Variants in GPC6 observed in about 807,000 individuals in gnomAD.
GPC6 encodes glypican 6.
Under a neutral mutation model 55.2 loss-of-function variants are expected in GPC6, and 14 were observed. The ratio of observed to expected loss-of-function variants is 0.25; its 90% CI spans 0.17 to 0.40. The LOEUF is 0.40. Among genes scored for constraint, GPC6 ranks in the 10% least tolerant of loss-of-function variants. The pLI is 1.00. For missense variants in GPC6, 641 were observed against 708.5 expected, an observed-to-expected ratio of 0.90 and a Z score of 1.08; for synonymous variants, 278 against 259.6, an observed-to-expected ratio of 1.07 and a Z score of -0.68.
chr13:93,600,946 C>A (rs7326533), intron 2 of GPC6, among the ~76,000 whole-genome samples: 1 of 132,364 alleles, frequency 7.6e-6, no homozygotes. Context: ...GGAAATTCCG[C>A]CTCAAAAAAA....
intron 2 of GPC6, among the ~76,000 whole-genome samples, chr13:93,765,890 A>G (rs1885116944): frequency 6.6e-6 from 1 of 152,234 alleles, no homozygotes; most frequent in Admixed American, 6.5e-5. Context: ...TTTTGATATC[A>G]TGGATAAAAG....
intron 4 of GPC6, among the ~76,000 whole-genome samples, chr13:94,106,374 G>A (rs1444784163): frequency 6.6e-6 from 1 of 152,180 alleles, no homozygotes; most frequent in African/African-American, 2.4e-5. Flanking sequence ...ATTATGAAAG[G>A]ATAACGTTGG....
intron 1 of GPC6, among the ~76,000 whole-genome samples, chr13:93,361,262 C>G (rs72639037): frequency 2.0e-5 from 3 of 152,118 alleles, no homozygotes; most frequent in Admixed American, 6.5e-5. Flanking sequence ...CCCGCTCAAA[C>G]AGAGAAAATG....
intron 4 of GPC6, among the ~76,000 whole-genome samples, chr13:94,266,151 C>CTTTTTTTTTTTTTTTTTTTTTT (rs111623457): frequency 7.0e-6 from 1 of 142,818 alleles, no homozygotes; most frequent in Non-Finnish European, 1.5e-5. Context: ...CTTTTCTTTT[C>CTTTTTTTTTTTTTTTTTTTTTT]TTTTTTTTTT....
At chr13:94,175,271 T>C (rs184066015) in intron 4 of GPC6, among the ~76,000 whole-genome samples, 180 of 152,266 alleles carry the variant, frequency 1.2e-3, no homozygotes, top group Middle Eastern at 6.8e-3. Flanking sequence ...GATAATATGC[T>C]CTCTGTTGCA....
intron 3 of GPC6, among the ~76,000 whole-genome samples, chr13:93,991,814 G>A (rs1169024510): frequency 6.6e-6 from 1 of 152,112 alleles, no homozygotes; most frequent in African/African-American, 2.4e-5. Context: ...GATAATGGAT[G>A]TCTTAGTATG....
chr13:94,227,314 C>G (rs954722298), intron 4 of GPC6, among the ~76,000 whole-genome samples: 3 of 152,100 alleles, frequency 2.0e-5, no homozygotes, highest in African/African-American at 7.2e-5. Flanking sequence ...TGTCTGTAAT[C>G]TATGTAAACC....
At chr13:94,228,497 A>G (rs1369630035) in intron 4 of GPC6, among the ~76,000 whole-genome samples, 1 of 152,124 alleles carries the variant, frequency 6.6e-6, no homozygotes. Flanking sequence ...TAGAAATCTT[A>G]TGCCTTTACA....
At chr13:93,838,295 G>A (rs1050799303) in intron 3 of GPC6, among the ~76,000 whole-genome samples, 2 of 152,090 alleles carry the variant, frequency 1.3e-5, no homozygotes, top group African/African-American at 4.8e-5. Context: ...ATGAACCAAT[G>A]GAAATACATG....
intron 2 of GPC6, among the ~76,000 whole-genome samples, chr13:93,609,130 C>T (rs1258409524): frequency 1.3e-5 from 2 of 152,132 alleles, no homozygotes; most frequent in Non-Finnish European, 1.5e-5. Flanking sequence ...TCCTTATGAT[C>T]GTCTTTCTTA....
chr13:93,476,138 C>G (rs1431338909), intron 1 of GPC6, among the ~76,000 whole-genome samples: 2 of 152,152 alleles, frequency 1.3e-5, no homozygotes, highest in African/African-American at 2.4e-5. Context: ...CTACCTTCAA[C>G]AGCATGAGAA....
chr13:94,366,388 T>C (rs917407748), intron 6 of GPC6, among the ~76,000 whole-genome samples: 1 of 152,180 alleles, frequency 6.6e-6, no homozygotes, highest in African/African-American at 2.4e-5. Context: ...TTGTTAGCTA[T>C]ATCAGGAAAT....
chr13:94,273,233 C>G (rs117117653), intron 4 of GPC6, among the ~76,000 whole-genome samples: 2,345 of 152,228 alleles, frequency 0.015, 29 homozygotes, highest in East Asian at 0.038. Context: ...GCTGGTGGCA[C>G]CAAGCCTCAA....
At chr13:93,677,421 A>G (rs1016469248) in intron 2 of GPC6, among the ~76,000 whole-genome samples, 2 of 152,244 alleles carry the variant, frequency 1.3e-5, no homozygotes, top group African/African-American at 2.4e-5. Context: ...TTGGTAATAT[A>G]TAAGTGTTAA....
At chr13:93,501,330 A>G (rs936427160) in intron 1 of GPC6, among the ~76,000 whole-genome samples, 4 of 152,110 alleles carry the variant, frequency 2.6e-5, no homozygotes, top group Non-Finnish European at 5.9e-5. Flanking sequence ...TATACCTATT[A>G]GAAAATCTCT....
intron 1 of GPC6, among the ~76,000 whole-genome samples, chr13:93,453,892 C>A (rs897117289): frequency 1.3e-5 from 2 of 152,076 alleles, no homozygotes; most frequent in Admixed American, 6.5e-5. Context: ...GGGACCTGAG[C>A]GGGCTGCCAC....
intron 6 of GPC6, among the ~76,000 whole-genome samples, chr13:94,358,109 G>A (rs569256493): frequency 1.3e-5 from 2 of 152,144 alleles, no homozygotes; most frequent in East Asian, 3.9e-4. Flanking sequence ...GACCAGTATG[G>A]TGAAACCCCA....
In GPC6 at chr13:93,340,026, C is replaced by CTTTTTTT. The variant is rs10714044; in HGVS notation, c.160+112431_160+112437dup. On this transcript the variant is annotated intron_variant, in intron 1 of 8. Transcript: ENST00000377047. ...AAAAACAAAAACAAAAGTTTTCTTT[C>CTTTTTTT]TTTTTTTTTTTTTTTTTTTTTTTTT... Among the ~76,000 whole-genome samples the CTTTTTTT allele has an allele frequency of 1.0e-3, 84 of 81,622 alleles. 3 individuals are homozygous for CTTTTTTT. Among genetic ancestry groups the CTTTTTTT allele is most frequent in the Non-Finnish European group, 1.4e-3 (66 of 46,100 alleles). 53.5% of individuals were successfully genotyped at this position (81,622 alleles called of 152,430 possible). A position where few individuals can be genotyped will look rare whatever the true frequency, so the allele number is the denominator to read the frequency against.
intron 1 of GPC6, among the ~76,000 whole-genome samples, chr13:93,532,188 T>C (rs1566407966): frequency 6.6e-6 from 1 of 152,224 alleles, no homozygotes. Flanking sequence ...AGCTCTGTAA[T>C]GCATAACCAC....
Sources: allele counts gnomAD v4.1 joint callset (sites outside exome capture counted in the v4.1 genomes callset), GRCh38; gene constraint gnomAD v4.1.1; transcripts MANE v1.5; gene names NCBI Gene and HGNC (gene_info 2026-07-23, HGNC 2026-07-21).